PFDN1: variants seen among roughly 807,000 people sequenced by gnomAD.
PFDN1 encodes the protein prefoldin subunit 1, also known as prefoldin 1.
Under a neutral mutation model 17.3 loss-of-function variants are expected in PFDN1, and 6 were observed. The ratio of observed to expected loss-of-function variants is 0.35; its 90% confidence interval spans 0.19 to 0.69. PFDN1 has a LOEUF of 0.69. Ranked by LOEUF, PFDN1 falls within the 30% of genes least tolerant of loss-of-function variation. The pLI is 0.65. For missense variants in PFDN1, 113 were observed against 146.2 expected (o/e 0.77, Z 1.17); for synonymous variants, 58 against 50.1 (o/e 1.16, Z -0.67).
At chr5:140,259,884 G>A (rs1460817625) in intron 3 of PFDN1, among the ~76,000 whole-genome samples, 1 of 152,118 alleles carries the variant, frequency 6.6e-6, no homozygotes, top group African/African-American at 2.4e-5. Context: ...CAACAAAGAC[G>A]AACCAATTTT....
chr5:140,279,716 T>C (rs531138191), intron 3 of PFDN1, among the ~76,000 whole-genome samples: 6 of 151,456 alleles, frequency 4.0e-5, no homozygotes, highest in Admixed American at 2.6e-4. Flanking sequence ...AAGAAAAAAA[T>C]CAAGGCCAGG....
At chr5:140,276,573 G>A (rs975661821) in intron 3 of PFDN1, among the ~76,000 whole-genome samples, 2 of 151,966 alleles carry the variant, frequency 1.3e-5, no homozygotes, top group Non-Finnish European at 2.9e-5. Context: ...CTGAGGTCAG[G>A]AGTTCAAGAC....
chr5:140,286,936 C>G (rs1316569313), intron 2 of PFDN1, among the ~76,000 whole-genome samples: 2 of 152,068 alleles, frequency 1.3e-5, no homozygotes, highest in Non-Finnish European at 2.9e-5. Context: ...TAAAAAATTA[C>G]CAAGTACAAA....
Position 140,263,412 on chromosome 5 carries a change from A to G in PFDN1, c.286-17355T>C, listed in dbSNP as rs113847704. On this transcript the variant is annotated intron_variant, in intron 3 of 3. Coordinates refer to ENST00000261813, the MANE Select transcript of PFDN1 (RefSeq NM_002622.5). ...ACATCCTTCAACCTAATCTTTACTAATATTAAAGGTAAAATATATAAAAAG... is the reference window on the plus strand; with the variant it reads ...ACATCCTTCAACCTAATCTTTACTAGTATTAAAGGTAAAATATATAAAAAG... Among the ~76,000 whole-genome samples, 253 of 152,286 alleles carry G rather than the reference A, an allele frequency of 1.7e-3. 1 individual carries two copies. Among genetic ancestry groups the G allele is most frequent in the African/African-American group, 6.0e-3 (249 of 41,558 alleles).
intron 3 of PFDN1, among the ~76,000 whole-genome samples, chr5:140,246,358 A>C (rs888691908): frequency 6.6e-6 from 1 of 152,242 alleles, no homozygotes; most frequent in African/African-American, 2.4e-5. Context: ...GTCTCAGTAC[A>C]TGAAGTTATC....
chr5:140,279,170 T>C (rs770489630), intron 3 of PFDN1, among the ~76,000 whole-genome samples: 1 of 152,178 alleles, frequency 6.6e-6, no homozygotes, highest in African/African-American at 2.4e-5. Context: ...GATATAAATA[T>C]AGAAGTTTGG....
At chr5:140,259,852 C>T (rs1010424441) in intron 3 of PFDN1, among the ~76,000 whole-genome samples, 4 of 152,156 alleles carry the variant, frequency 2.6e-5, no homozygotes, top group Non-Finnish European at 5.9e-5. Context: ...TCCAGAATTC[C>T]TATTTTCTTT....
At chr5:140,249,062 G>A (rs1350934988) in intron 3 of PFDN1, among the ~76,000 whole-genome samples, 1 of 152,186 alleles carries the variant, frequency 6.6e-6, no homozygotes, top group Non-Finnish European at 1.5e-5. Context: ...CTTTCTAACT[G>A]TATTTCAATA....
intron 3 of PFDN1, among the ~76,000 whole-genome samples, chr5:140,249,698 G>A (rs748502820): frequency 4.6e-5 from 7 of 152,178 alleles, no homozygotes; most frequent in Non-Finnish European, 8.8e-5. Context: ...GCTTGCATTC[G>A]TGGTGGAAGG....
At chr5:140,290,224 G>C (rs1765559308) in intron 2 of PFDN1, among the ~76,000 whole-genome samples, 1 of 152,122 alleles carries the variant, frequency 6.6e-6, no homozygotes, top group Non-Finnish European at 1.5e-5. Flanking sequence ...CATTGCAGTT[G>C]CATCCCCCAA....
chr5:140,285,157 T>C (rs1480648539), intron 2 of PFDN1, among the ~76,000 whole-genome samples: 1 of 152,158 alleles, frequency 6.6e-6, no homozygotes, highest in African/African-American at 2.4e-5. Context: ...TGGGAAATTT[T>C]TAGAGGGTGT....
chr5:140,266,034 A>C (rs74910830), intron 3 of PFDN1, among the ~76,000 whole-genome samples: 5 of 152,148 alleles, frequency 3.3e-5, no homozygotes, highest in African/African-American at 1.2e-4. Flanking sequence ...CCCACCTAGC[A>C]AACTTCTAGC....
chr5:140,284,535 T>C (rs1581094820), intron 2 of PFDN1, among the ~76,000 whole-genome samples: 1 of 152,360 alleles, frequency 6.6e-6, no homozygotes, highest in African/African-American at 2.4e-5. Context: ...TTTATCATGA[T>C]AATATAAGTC....
chr5:140,298,204 A>G (rs1765681852), intron 2 of PFDN1, among the ~76,000 whole-genome samples: 1 of 152,120 alleles, frequency 6.6e-6, no homozygotes, highest in African/African-American at 2.4e-5. Flanking sequence ...AATCAGATGA[A>G]CAATTTAACA....
chr5:140,259,290 A>G (rs1393790120), intron 3 of PFDN1, among the ~76,000 whole-genome samples: 1 of 152,248 alleles, frequency 6.6e-6, no homozygotes, highest in East Asian at 1.9e-4. Flanking sequence ...ATGAGCCTCA[A>G]GAACATGTAA....
chr5:140,268,581 G>A (rs964404835), intron 3 of PFDN1, among the ~76,000 whole-genome samples: 1 of 152,112 alleles, frequency 6.6e-6, no homozygotes. Flanking sequence ...GGAGTCAGAG[G>A]CTGCAGTGAG....
At chr5:140,271,420 A>C (rs1403965529) in intron 3 of PFDN1, among the ~76,000 whole-genome samples, 1 of 152,234 alleles carries the variant, frequency 6.6e-6, no homozygotes, top group East Asian at 1.9e-4. Context: ...ACTTCACCCA[A>C]GACTCTCCAA....
Position 140,245,751 on chromosome 5 carries a change from C to A in PFDN1, c.*223G>T, listed in dbSNP as rs1370159043. On this transcript the variant is annotated 3_prime_UTR_variant, in exon 4 of 4. Coordinates refer to ENST00000261813, the MANE Select transcript of PFDN1 (RefSeq NM_002622.5). ...TCTCCTGGGAGTTCATCACACATCC[C>A]GAGAGGGAAGAGTGTCCTGGGCAGA... The A allele has an allele frequency of 1.3e-5, 8 of 610,868 alleles. No individual in the cohort carries two copies. Among genetic ancestry groups the A allele is most frequent in the Non-Finnish European group, 2.0e-5 (7 of 343,566 alleles). The allele number at this position is 610,868 out of a possible 1,614,324, so 37.8% of individuals were successfully genotyped here.
At chr5:140,290,452 C>A (rs560438863) in intron 2 of PFDN1, among the ~76,000 whole-genome samples, 2 of 152,086 alleles carry the variant, frequency 1.3e-5, no homozygotes, top group Non-Finnish European at 2.9e-5. Flanking sequence ...GCCAGCGTAC[C>A]GAAATAAGTC....
Sources: allele counts gnomAD v4.1 joint callset (sites outside exome capture counted in the v4.1 genomes callset), GRCh38; gene constraint gnomAD v4.1.1; transcripts MANE v1.5; gene names NCBI Gene and HGNC (gene_info 2026-07-23, HGNC 2026-07-21).